The following TAF5L variants were observed in gnomAD, a reference collection of about 807,000 sequenced individuals.
The protein encoded by TAF5L is TATA-box binding protein associated factor 5 like.
A neutral mutation model predicts 51.3 loss-of-function variants in TAF5L; 7 were observed. The observed-to-expected ratio is 0.14, with a 90% CI of 0.08 to 0.26. The LOEUF (loss-of-function observed/expected upper bound fraction) is 0.26, where lower values mean the gene tolerates loss of function less well. Among genes scored for constraint, TAF5L ranks in the 10% least tolerant of loss-of-function variants. The pLI is 1.00. For synonymous variants in TAF5L, 291 were observed against 308.1 expected, an observed-to-expected ratio of 0.94 and a Z score of 0.58; for missense variants, 575 against 758.9, an observed-to-expected ratio of 0.76 and a Z score of 2.85.
intron 2 of TAF5L, among the ~76,000 whole-genome samples, chr1:229,613,401 A>G (rs979778103): frequency 2.0e-5 from 3 of 152,128 alleles, no homozygotes; most frequent in Non-Finnish European, 4.4e-5. Flanking sequence ...ACATAAAAAC[A>G]TGAACTCACA....
chr1:229,595,875 G>A (rs1469788571), intron 4 of TAF5L, among the ~76,000 whole-genome samples: 1 of 152,162 alleles, frequency 6.6e-6, no homozygotes, highest in Non-Finnish European at 1.5e-5. Context: ...ATGTCGGTCA[G>A]GCTGGTCTTG....
chr1:229,618,131 G>A (rs1206926179), intron 1 of TAF5L, among the ~76,000 whole-genome samples: 1 of 151,992 alleles, frequency 6.6e-6, no homozygotes, highest in Non-Finnish European at 1.5e-5. Context: ...AGGGACAAGT[G>A]AAGAAAAAAA....
intron 4 of TAF5L, chr1:229,601,810 G>A: frequency 2.0e-6 from 2 of 1,023,158 alleles, no homozygotes; most frequent in Non-Finnish European, 2.3e-6. Flanking sequence ...TGACAATGGA[G>A]GCCCTTCGAC....
chr1:229,599,806 A>G, intron 4 of TAF5L: 1 of 984,850 alleles, frequency 1.0e-6, no homozygotes, highest in Non-Finnish European at 1.2e-6. Flanking sequence ...TAGAAGTGGA[A>G]TTGCTGGGTG....
intron 2 of TAF5L, among the ~76,000 whole-genome samples, chr1:229,613,703 A>G (rs1383283456): frequency 1.3e-5 from 2 of 152,216 alleles, no homozygotes; most frequent in African/African-American, 2.4e-5. Flanking sequence ...CAGGAACTTG[A>G]GTATCCGTGG....
At position 229,602,523 on chromosome 1, in the gene TAF5L, G is replaced by A. The variant is rs1216111318; in HGVS notation, c.644C>T (p.Ser215Phe). 3.1e-6 allele frequency: 5 copies of A among 1,614,156 alleles called. No individual in the cohort carries two copies. Among genetic ancestry groups the A allele is most frequent in the Non-Finnish European group, 4.2e-6 (5 of 1,180,004 alleles). ...CAAACCGTTGTTCTCACTGCGGGAGGAGCTGCCACTGGCATACAGCTGATA... is the reference window on the plus strand; with the variant it reads ...CAAACCGTTGTTCTCACTGCGGGAGAAGCTGCCACTGGCATACAGCTGATA... The change falls in exon 4 of 5, where the codon TCC (serine) becomes TTC (phenylalanine). Residue 215 changes from serine to phenylalanine, a missense_variant. Physicochemically the swap from Ser to Phe is radical, Grantham distance 155. Around this residue, in one of 3 missense-constraint regions of TAF5L, gnomAD observed 380 missense variants for 443.7 expected, o/e 0.86. Coordinates refer to ENST00000258281, the Ensembl canonical transcript of TAF5L. The surrounding 1 kb of genome is among the most constrained non-coding windows in gnomAD (Gnocchi z 4.6).
intron 1 of TAF5L, among the ~76,000 whole-genome samples, chr1:229,617,693 A>G (rs1665058462): frequency 6.6e-6 from 1 of 152,230 alleles, no homozygotes; most frequent in Non-Finnish European, 1.5e-5. Context: ...TATGTGTCTG[A>G]GGAGGAAGGG....
Position 229,602,175 on chromosome 1 carries a change from G to A in TAF5L, c.972+20C>T, listed in dbSNP as rs781617883. 1 of 1,602,130 alleles carries A rather than the reference G, an allele frequency of 6.2e-7. No homozygotes were observed. Among genetic ancestry groups the A allele is most frequent in the Non-Finnish European group, 8.5e-7 (1 of 1,172,254 alleles). ...AAATTAGGAAGGCGGGTGCAGGGAA[G>A]AAAAAAATGGTATTCATACCTCCTC... On this transcript the variant is annotated intron_variant, in intron 4 of 4. Transcript: ENST00000258281. The surrounding 1 kb of genome is among the most constrained non-coding windows in gnomAD (Gnocchi z 4.6).
chr1:229,616,990 TACTGAACTCTCTTCTC>T (rs1665027043), intron 1 of TAF5L, among the ~76,000 whole-genome samples: 1 of 152,238 alleles, frequency 6.6e-6, no homozygotes, highest in African/African-American at 2.4e-5. Flanking sequence ...AATTTCCAAA[TACTGAACTCTCTTCTC>T]ACTATGAAAT....
chr1:229,622,085 A>ATT (rs1571856772), intron 1 of TAF5L, among the ~76,000 whole-genome samples: 1 of 152,198 alleles, frequency 6.6e-6, no homozygotes, highest in East Asian at 1.9e-4. Context: ...AGATATATAT[A>ATT]GATATACAGA....
rs1315916502 is a variant in TAF5L at position 229,625,484 on chromosome 1, T to C, written c.-4+401A>G. Among the ~76,000 whole-genome samples, 1 of 152,106 alleles carries C rather than the reference T, an allele frequency of 6.6e-6. No homozygotes were observed. The highest frequency in any genetic ancestry group is 2.1e-4 in the South Asian group (1 of 4,820). On this transcript the variant is annotated intron_variant, in intron 1 of 4. Coordinates refer to ENST00000258281, the Ensembl canonical transcript of TAF5L. The surrounding 1 kb of genome is among the most constrained non-coding windows in gnomAD (Gnocchi z 4.0). The stretch of plus-strand genomic sequence containing the variant: ...CAAAGACATTTCCTTTTCCCCTACA[T>C]GCAAAGGAGCTGTGGAGCCGTGCTC...
At chr1:229,598,367 C>T (rs1405731189) in intron 4 of TAF5L, among the ~76,000 whole-genome samples, 2 of 152,116 alleles carry the variant, frequency 1.3e-5, no homozygotes, top group African/African-American at 4.8e-5. Context: ...ATCATATTCC[C>T]ATTGGATAGC....
At chr1:229,612,213 T>C (rs1374108076) in intron 2 of TAF5L, among the ~76,000 whole-genome samples, 1 of 152,260 alleles carries the variant, frequency 6.6e-6, no homozygotes, top group African/African-American at 2.4e-5. Context: ...CTGATAATCA[T>C]ATTTCATGTT....
intron 4 of TAF5L, among the ~76,000 whole-genome samples, chr1:229,596,920 TC>T (rs1388055473): frequency 1.3e-5 from 2 of 152,154 alleles, no homozygotes; most frequent in Non-Finnish European, 2.9e-5. Flanking sequence ...AATGAATGCC[TC>T]CCATGTGTAC....
chr1:229,619,066 T>A (rs141523361), intron 1 of TAF5L, among the ~76,000 whole-genome samples: 21 of 152,310 alleles, frequency 1.4e-4, no homozygotes, highest in Non-Finnish European at 2.9e-4. Flanking sequence ...AAGAAAAAAA[T>A]TATTTTTTTG....
intron 2 of TAF5L, among the ~76,000 whole-genome samples, chr1:229,613,346 A>G (rs1008848544): frequency 1.9e-4 from 28 of 151,224 alleles, no homozygotes; most frequent in Non-Finnish European, 3.7e-4. Flanking sequence ...AAAAAAAAAA[A>G]AAGAAGAAAG....
Position 229,625,968 on chromosome 1 carries a change from G to A in TAF5L, c.-87C>T, listed in dbSNP as rs1335731816. 6.8e-6 allele frequency: 1 copy of A among 147,130 alleles called. No individual in the cohort carries two copies. The highest frequency in any genetic ancestry group is 2.0e-4 in the East Asian group (1 of 4,930). 9.1% of individuals were successfully genotyped at this position (147,130 alleles called of 1,614,324 possible). On this transcript the variant is annotated 5_prime_UTR_variant, in exon 1 of 5. Coordinates refer to ENST00000258281, the Ensembl canonical transcript of TAF5L. This position sits in a 1 kb window ranked among gnomAD's most constrained non-coding sequence, Gnocchi z 4.0. ...TTCCGCCTCCGTCGTCTCTGCCGCA[G>A]GGTCTCACTCCGACGGCCGGCTCAG...
At chr1:229,601,340 T>C (rs1323614319) in intron 4 of TAF5L, 1 of 985,286 alleles carries the variant, frequency 1.0e-6, no homozygotes. Flanking sequence ...CCATCCAAAG[T>C]AATGTGAGGC....
Position 229,610,159 on chromosome 1 carries a change from G to A in TAF5L, c.194C>T (p.Ala65Val). 1.9e-6 allele frequency: 3 copies of A among 1,614,182 alleles called. No individual in the cohort carries two copies. Among genetic ancestry groups the A allele is most frequent in the Non-Finnish European group, 2.5e-6 (3 of 1,180,008 alleles). ...CTGTACTTCATATTGCTGGGGTTCT[G>A]CCTGGCAAGGGGCTGCAGACACTAT... The change falls in exon 3 of 5, where the codon GCA (alanine) becomes GTA (valine). Residue 65 changes from alanine (A) to valine (V), a missense_variant. Coordinates refer to ENST00000258281, the Ensembl canonical transcript of TAF5L.
Sources: gnomAD v4.1 joint callset for allele counts (sites outside exome capture counted in the v4.1 genomes callset) on GRCh38, gnomAD v4.1.1 for gene constraint, gnomAD v4.1.1 regional missense constraint, Gnocchi (gnomAD v3.1) non-coding constraint, MANE v1.5 for transcripts, NCBI Gene and HGNC (gene_info 2026-07-23, HGNC 2026-07-21) for gene names.